NXPE2: variants seen among roughly 807,000 people sequenced by gnomAD.
The protein encoded by NXPE2 is NXPE family member 2.
Under a neutral mutation model 34.4 loss-of-function variants are expected in NXPE2, and 34 were observed. The ratio of observed to expected loss-of-function variants is 0.99; its 90% CI spans 0.75 to 1.31. NXPE2 has a LOEUF of 1.31. Among genes scored for constraint, NXPE2 ranks in the 40% most tolerant of loss-of-function variants. The pLI is 0.00. For synonymous variants in NXPE2, 235 were observed against 231.3 expected, an observed-to-expected ratio of 1.02 and a Z score of -0.15; for missense variants, 649 against 672.5, an observed-to-expected ratio of 0.97 and a Z score of 0.39.
chr11:114,689,799 G>T (rs1951116694), intron 2 of NXPE2, among the ~76,000 whole-genome samples: 1 of 152,038 alleles, frequency 6.6e-6, no homozygotes, highest in Non-Finnish European at 1.5e-5. Context: ...TATATATTTA[G>T]GATAGTTACA....
the NXPE2 span, among the ~76,000 whole-genome samples, chr11:114,671,590 A>ACTTTT: frequency 6.6e-6 from 1 of 152,004 alleles, no homozygotes; most frequent in Non-Finnish European, 1.5e-5. Context: ...CTAACAACTG[A>ACTTTT]CTTTTCTTTA....
upstream of NXPE2, chr11:114,678,270 T>A (rs900968206): frequency 9.5e-6 from 2 of 211,098 alleles, no homozygotes; most frequent in Non-Finnish European, 1.9e-5. Context: ...AAGAGCACTC[T>A]GTCTATAAAC....
At chr11:114,745,642 T>G in the NXPE2 span, among the ~76,000 whole-genome samples, 3 of 152,154 alleles carry the variant, frequency 2.0e-5, no homozygotes, top group Non-Finnish European at 4.4e-5. Flanking sequence ...CAAGAAAAAT[T>G]TCTTTGGGGA....
the NXPE2 span, among the ~76,000 whole-genome samples, chr11:114,514,231 A>G: frequency 6.6e-6 from 1 of 152,318 alleles, no homozygotes; most frequent in Non-Finnish European, 1.5e-5. Context: ...TGTATGGATT[A>G]TTTAAGCAGT....
the NXPE2 span, among the ~76,000 whole-genome samples, chr11:114,725,976 A>ATAT: frequency 2.1e-3 from 212 of 101,688 alleles, 4 homozygotes; most frequent in East Asian, 0.022. Flanking sequence ...ATAAAAAAAA[A>ATAT]ATATATATAT....
At chr11:114,698,917 G>C in intron 3 of NXPE2, 139 bp downstream of exon 3, 1 of 843,128 alleles carries the variant, frequency 1.2e-6, no homozygotes, top group Non-Finnish European at 1.8e-6. Context: ...AGTCAGTTCA[G>C]CTTGGAGTGT....
At chr11:114,660,683 C>T in the NXPE2 span, among the ~76,000 whole-genome samples, 2 of 151,926 alleles carry the variant, frequency 1.3e-5, no homozygotes, top group African/African-American at 4.8e-5. Flanking sequence ...GAATGCTTTG[C>T]CCCAAGATAA....
At chr11:114,796,389 G>A in the NXPE2 span, among the ~76,000 whole-genome samples, 2 of 152,014 alleles carry the variant, frequency 1.3e-5, no homozygotes, top group African/African-American at 2.4e-5. Flanking sequence ...AAACTTTTAT[G>A]TATATTATTA....
chr11:114,757,971 A>C, the NXPE2 span, among the ~76,000 whole-genome samples: 1 of 152,258 alleles, frequency 6.6e-6, no homozygotes, highest in African/African-American at 2.4e-5. Flanking sequence ...TATTAAAAAT[A>C]GCAAGTAATG....
At chr11:114,612,565 C>A in the NXPE2 span, among the ~76,000 whole-genome samples, 2 of 151,906 alleles carry the variant, frequency 1.3e-5, no homozygotes, top group African/African-American at 4.8e-5. Flanking sequence ...CATGGGTAAC[C>A]ACTGTTACCC....
chr11:114,741,814 TG>T, the NXPE2 span, among the ~76,000 whole-genome samples: 2 of 152,218 alleles, frequency 1.3e-5, no homozygotes, highest in Admixed American at 1.3e-4. Context: ...ATAATTTCTT[TG>T]GGGTCACTTA....
In NXPE2 at chr11:114,700,472, G is replaced by A. The variant is rs374779009; in HGVS notation, c.866+1694G>A. 4.2e-4 allele frequency among the ~76,000 whole-genome samples: 64 copies of A among 152,166 alleles called. No individual in the cohort carries two copies. The East Asian group carries it at 9.9e-3, about 24-fold the overall frequency. On this transcript the variant is annotated intron_variant, in intron 3 of 5. Transcript: ENST00000389586. ...TAGGACCTGAGGCAAGAGCATGTTG[G>A]AATGTTCTAGGAACCATGGTGGAGG...
At chr11:114,580,623 CT>C in the NXPE2 span, among the ~76,000 whole-genome samples, 2 of 152,050 alleles carry the variant, frequency 1.3e-5, no homozygotes, top group African/African-American at 2.4e-5. Flanking sequence ...TATTTTCCAG[CT>C]TTTCTATGAA....
the NXPE2 span, chr11:114,554,060 G>A: frequency 9.1e-6 from 9 of 985,264 alleles, no homozygotes; most frequent in Non-Finnish European, 1.1e-5. Flanking sequence ...TTTGTGAATG[G>A]TATCCCAAAT....
the NXPE2 span, among the ~76,000 whole-genome samples, chr11:114,531,439 T>G: frequency 6.6e-6 from 1 of 152,210 alleles, no homozygotes; most frequent in Non-Finnish European, 1.5e-5. Context: ...ATGACTGTCT[T>G]CAGGCTTCAA....
chr11:114,731,063 T>A, the NXPE2 span, among the ~76,000 whole-genome samples: 2 of 152,156 alleles, frequency 1.3e-5, no homozygotes, highest in African/African-American at 4.8e-5. Context: ...TTTTGAGGTA[T>A]GTTTCTTCAA....
At chr11:114,693,247 T>C (rs1371564813) in intron 2 of NXPE2, among the ~76,000 whole-genome samples, 3 of 152,192 alleles carry the variant, frequency 2.0e-5, no homozygotes, top group Non-Finnish European at 2.9e-5. Flanking sequence ...GAAACCTTCT[T>C]CTTGCCCCAT....
At chr11:114,747,641 C>T in the NXPE2 span, among the ~76,000 whole-genome samples, 6 of 152,202 alleles carry the variant, frequency 3.9e-5, no homozygotes, top group African/African-American at 1.4e-4. Context: ...GGGGGAACTG[C>T]CAAGCACTTT....
At chr11:114,644,225 T>C in the NXPE2 span, among the ~76,000 whole-genome samples, 1 of 152,160 alleles carries the variant, frequency 6.6e-6, no homozygotes, top group Non-Finnish European at 1.5e-5. Context: ...ACTTCCTCTC[T>C]TCCTGTTCGA....
Sources: allele counts gnomAD v4.1 joint callset (sites outside exome capture counted in the v4.1 genomes callset), GRCh38; gene constraint gnomAD v4.1.1; transcripts MANE v1.5; gene names NCBI Gene and HGNC (gene_info 2026-07-23, HGNC 2026-07-21).